The following AVL9 variants were observed in gnomAD, a reference collection of about 807,000 sequenced individuals.
The protein encoded by AVL9 is AVL9 cell migration associated.
A neutral mutation model predicts 79.2 loss-of-function variants in AVL9; 49 were observed. The observed-to-expected ratio is 0.62, with a 90% CI of 0.49 to 0.79. AVL9 has a LOEUF of 0.79. AVL9 is among the 30% of genes least tolerant of loss of function. The pLI is 0.00. For synonymous variants in AVL9, 299 were observed against 280.6 expected (o/e 1.07, Z -0.65); for missense variants, 682 against 776.8 (o/e 0.88, Z 1.45).
chr7:32,532,585 A>G (rs1288583844), intron 1 of AVL9: 1 of 152,186 alleles, frequency 6.6e-6, no homozygotes, highest in African/African-American at 2.4e-5. Context: ...TAAAATACAC[A>G]TTATCTATTT....
rs190688200 is a variant in AVL9, at chr7:32,504,581, A to C, written c.93+8779A>C. ...AAGTTGCCTAATGTTTATGGACTTC[A>C]GTTTCTTCATCTATAAAATGAGAGT... is the stretch of plus-strand genomic sequence containing the variant. On this transcript the variant is annotated intron_variant, in intron 1 of 15. Coordinates refer to ENST00000318709, the MANE Select transcript of AVL9 (RefSeq NM_015060.3). 4.1e-4 allele frequency among the ~76,000 whole-genome samples: 63 copies of C among 152,334 alleles called. No homozygotes were observed. The East Asian group carries it at 0.011, about 26-fold the overall frequency.
chr7:32,576,087 T>C lies in AVL9; in HGVS notation c.1688+15T>C, dbSNP rs1791086925. 6.5e-7 allele frequency: 1 copy of C among 1,548,400 alleles called. No homozygotes were observed. The highest frequency in any genetic ancestry group is 1.4e-5 in the African/African-American group (1 of 73,706). On this transcript the variant is annotated intron_variant, in intron 13 of 15. Coordinates refer to ENST00000318709, the MANE Select transcript of AVL9 (RefSeq NM_015060.3). Reference sequence around the variant, plus strand: ...ATAAATCCAAAGTAAGCGCGTCCTCTGAAGATTGATAGTACATAAATGGTT... The same window carrying C: ...ATAAATCCAAAGTAAGCGCGTCCTCCGAAGATTGATAGTACATAAATGGTT...
At chr7:32,502,833 T>C (rs7800559) in intron 1 of AVL9, among the ~76,000 whole-genome samples, 148,648 of 152,340 alleles carry the variant, frequency 0.98, 72,610 homozygotes, top group Middle Eastern at 1. Context: ...GCTCTGACTT[T>C]GTTGGGCCCT....
rs553156296 is a variant in AVL9 at position 32,495,619 on chromosome 7, C to A, written c.-91C>A. 2 of 861,976 alleles carry A rather than the reference C, an allele frequency of 2.3e-6. No individual in the cohort carries two copies. Among genetic ancestry groups the A allele is most frequent in the South Asian group, 5.7e-5 (1 of 17,476 alleles). The allele number at this position is 861,976 out of a possible 1,614,324, so 53.4% of individuals were successfully genotyped here. A position where few individuals can be genotyped will look rare whatever the true frequency, so the allele number is the denominator to read the frequency against. On this transcript the variant is annotated 5_prime_UTR_variant, in exon 1 of 16. Coordinates refer to ENST00000318709, the MANE Select transcript of AVL9 (RefSeq NM_015060.3). ...CCTCATGTGCTGTGCTCGCTGACAC[C>A]CGAAGTCCGCGGCTTTCCGCACACG...
chr7:32,497,987 A>G (rs1018088142), intron 1 of AVL9, among the ~76,000 whole-genome samples: 1 of 152,194 alleles, frequency 6.6e-6, no homozygotes, highest in Non-Finnish European at 1.5e-5. Flanking sequence ...GAGATTGTGC[A>G]TAGGGAAGAT....
intron 1 of AVL9, among the ~76,000 whole-genome samples, chr7:32,522,282 C>G (rs1350330557): frequency 6.6e-6 from 1 of 152,180 alleles, no homozygotes; most frequent in Non-Finnish European, 1.5e-5. Flanking sequence ...TCAACGCCAG[C>G]CCATGAAAGC....
rs1219813474 is a variant in AVL9 at position 32,495,744 on chromosome 7, C to A, written c.35C>A (p.Pro12His). The stretch of plus-strand genomic sequence containing the variant: ...GCCAGGAGAGGCGGGGATGGCGTCC[C>A]CCGGGGGCCCGTACTGCACATCGTG... ...EKARRGGDGV[P>H]RGPVLHIVVV... The change falls in exon 1 of 16, where the codon CCC becomes CAC. Residue 12 changes from proline to histidine, a missense_variant. By Grantham distance (77) the Pro-to-His change is moderately conservative. Transcript: ENST00000318709. The A allele has an allele frequency of 4.0e-6, 5 of 1,259,872 alleles. No homozygotes were observed. The Admixed American group carries it at 2.1e-4, about 53-fold the overall frequency. The allele number at this position is 1,259,872 out of a possible 1,614,324, so 78.0% of individuals were successfully genotyped here.
In AVL9 at chr7:32,584,103, G is replaced by A. The variant is rs902760070; in HGVS notation, c.*196G>A. ...AGCCATAGCAGGGATGGCTTTCCAG[G>A]TTGGGGTTTCAATTGACTACTTTTA... On this transcript the variant is annotated 3_prime_UTR_variant, in exon 16 of 16. Transcript: ENST00000318709. 7 of 628,656 alleles carry A rather than the reference G, an allele frequency of 1.1e-5. No homozygotes were observed. The highest frequency in any genetic ancestry group is 1.8e-5 in the Non-Finnish European group (6 of 340,048). 38.9% of individuals were successfully genotyped at this position (628,656 alleles called of 1,614,324 possible). A position where few individuals can be genotyped will look rare whatever the true frequency, so the allele number is the denominator to read the frequency against.
chr7:32,532,292 G>A (rs1034870977), intron 1 of AVL9: 32 of 152,316 alleles, frequency 2.1e-4, no homozygotes, highest in African/African-American at 7.7e-4. Context: ...TGAGTCAGGG[G>A]TTTTTATAGG....
chr7:32,506,513 G>A (rs1787420484), intron 1 of AVL9, among the ~76,000 whole-genome samples: 1 of 152,128 alleles, frequency 6.6e-6, no homozygotes, highest in Non-Finnish European at 1.5e-5. Context: ...ATTTCATCAT[G>A]CTCCTCAGAA....
chr7:32,547,982 A>C (rs1325487309), intron 3 of AVL9, among the ~76,000 whole-genome samples: 1 of 152,124 alleles, frequency 6.6e-6, no homozygotes, highest in African/African-American at 2.4e-5. Context: ...GACTGTAGAA[A>C]TCTCACATAG....
chr7:32,501,962 C>T (rs1180254280), intron 1 of AVL9, among the ~76,000 whole-genome samples: 1 of 152,052 alleles, frequency 6.6e-6, no homozygotes, highest in East Asian at 1.9e-4. Context: ...GGATTAAGAA[C>T]TCAGGTTCTC....
chr7:32,568,619 C>T (rs1416588953), intron 10 of AVL9, among the ~76,000 whole-genome samples: 1 of 152,058 alleles, frequency 6.6e-6, no homozygotes, highest in African/African-American at 2.4e-5. Flanking sequence ...TTTGGTATTG[C>T]ATTTATTTTC....
At position 32,559,130 on chromosome 7, in the gene AVL9, AG is replaced by A. The variant is rs1173336011; in HGVS notation, c.883del (p.Glu295SerfsTer22). 1.2e-6 allele frequency: 2 copies of A among 1,613,956 alleles called. No homozygotes were observed. The highest frequency in any genetic ancestry group is 8.5e-7 in the Non-Finnish European group (1 of 1,179,984). On this transcript the variant is annotated frameshift_variant, in exon 10 of 16. Coordinates refer to ENST00000318709, the MANE Select transcript of AVL9 (RefSeq NM_015060.3). LOFTEE classifies it high-confidence loss of function. ...GGAGAAGATGCTGCCATGAAGACTGAGGAGCCTTTGTTCCAAGTGGAAGACA... is the reference window on the plus strand; with the variant it reads ...GGAGAAGATGCTGCCATGAAGACTGAGAGCCTTTGTTCCAAGTGGAAGACA... ...NHGEDAAMKT[E>X]EPLFQVEDSS...
At chr7:32,580,062 G>A (rs1562802937) in intron 13 of AVL9, 157 bp from the exon 14 acceptor site, 3 of 608,242 alleles carry the variant, frequency 4.9e-6, no homozygotes, top group Non-Finnish European at 5.9e-6. Flanking sequence ...ACTGTAAGTG[G>A]AGAGCTGTGA....
intron 1 of AVL9, among the ~76,000 whole-genome samples, chr7:32,526,397 C>T (rs904907020): frequency 5.9e-5 from 9 of 152,100 alleles, no homozygotes; most frequent in African/African-American, 1.7e-4. Context: ...GGTCTGAAGG[C>T]AAGAAGAGAC....
At chr7:32,519,925 TGAGAGA>T (rs904321693) in intron 1 of AVL9, among the ~76,000 whole-genome samples, 1 of 151,962 alleles carries the variant, frequency 6.6e-6, no homozygotes, top group Admixed American at 6.6e-5. Flanking sequence ...TGTGGAAGTG[TGAGAGA>T]GAGAGTGCAA....
At chr7:32,559,914 G>A (rs1790257870) in intron 10 of AVL9, 1 of 153,272 alleles carries the variant, frequency 6.5e-6, no homozygotes, top group African/African-American at 2.4e-5. Context: ...CTATACTGTA[G>A]TCTATTAAGT....
chr7:32,560,848 G>T (rs1790301926), intron 10 of AVL9, among the ~76,000 whole-genome samples: 1 of 152,168 alleles, frequency 6.6e-6, no homozygotes, highest in Admixed American at 6.5e-5. Context: ...GCTCCAAAAT[G>T]AACGTTGTGT....
Sources: gnomAD v4.1 joint callset for allele counts (sites outside exome capture counted in the v4.1 genomes callset) on GRCh38, gnomAD v4.1.1 for gene constraint, MANE v1.5 for transcripts, NCBI Gene and HGNC (gene_info 2026-07-23, HGNC 2026-07-21) for gene names.